PEX14: variants seen among roughly 807,000 people sequenced by gnomAD.
PEX14 encodes the protein peroxisomal biogenesis factor 14.
A neutral mutation model predicts 49.5 loss-of-function variants in PEX14; 15 were observed. The observed-to-expected ratio is 0.30, with a 90% CI of 0.20 to 0.47. PEX14 has a LOEUF of 0.47. PEX14 is among the 20% of genes least tolerant of loss of function. The probability of loss-of-function intolerance (pLI) is 1.00; values close to 1 mark genes in which losing one functional copy is unlikely to be tolerated. For missense variants in PEX14, 398 were observed against 494.8 expected (o/e 0.80, Z 1.86); for synonymous variants, 210 against 212.7 (o/e 0.99, Z 0.11).
intron 4 of PEX14, among the ~76,000 whole-genome samples, chr1:10,616,261 C>G (rs544433647): frequency 6.6e-6 from 1 of 152,086 alleles, no homozygotes; most frequent in Non-Finnish European, 1.5e-5. Flanking sequence ...GCCAGCAGCC[C>G]CTTCCCCCTC....
chr1:10,630,190 C>T lies in PEX14; in HGVS notation c.*203C>T. ...GCCTCCTCTCGCCTGGCCGCCAGCCCCAGCCCCAGCCCCAGCCCCAGGCCC... is the reference window on the plus strand; with the variant it reads ...GCCTCCTCTCGCCTGGCCGCCAGCCTCAGCCCCAGCCCCAGCCCCAGGCCC... On this transcript the variant is annotated 3_prime_UTR_variant, in exon 9 of 9. Coordinates refer to ENST00000356607, the MANE Select transcript of PEX14 (RefSeq NM_004565.3). This position sits in a 1 kb window ranked among gnomAD's most constrained non-coding sequence, Gnocchi z 4.1. 4.3e-6 allele frequency: 3 copies of T among 703,938 alleles called. No individual in the cohort carries two copies. Among genetic ancestry groups the T allele is most frequent in the Non-Finnish European group, 6.9e-6 (3 of 433,638 alleles). 43.6% of individuals were successfully genotyped at this position (703,938 alleles called of 1,614,324 possible).
chr1:10,548,397 T>C (rs1639236652), intron 3 of PEX14, among the ~76,000 whole-genome samples: 3 of 152,236 alleles, frequency 2.0e-5, no homozygotes, highest in African/African-American at 7.2e-5. Context: ...GCAGGGATTT[T>C]TGAAACTTAA....
chr1:10,600,904 C>T (rs1156612731), intron 4 of PEX14, among the ~76,000 whole-genome samples: 10 of 151,748 alleles, frequency 6.6e-5, no homozygotes, highest in African/African-American at 1.9e-4. Flanking sequence ...GAGGCCGAGG[C>T]GGGTGGATCA....
In PEX14 at chr1:10,511,157, A is replaced by G. The variant is rs1029975522; in HGVS notation, c.84+15836A>G. On this transcript the variant is annotated intron_variant, in intron 2 of 8. Coordinates refer to ENST00000356607, the MANE Select transcript of PEX14 (RefSeq NM_004565.3). ...TGGAACCCAGATGACTCACCATTCT[A>G]TTTGTTTTATTGCAACTGTCATTTC... Among the ~76,000 whole-genome samples the G allele has an allele frequency of 3.3e-5, 5 of 152,166 alleles. No homozygotes were observed. In the East Asian group the frequency reaches 5.8e-4, roughly 18 times the overall value.
At chr1:10,516,800 G>T (rs1208186506) in intron 2 of PEX14, among the ~76,000 whole-genome samples, 1 of 152,230 alleles carries the variant, frequency 6.6e-6, no homozygotes, top group Admixed American at 6.5e-5. Context: ...TATTGGTTTA[G>T]AAAGAAAGTA....
At chr1:10,531,652 T>C (rs1638654571) in intron 2 of PEX14, among the ~76,000 whole-genome samples, 1 of 152,192 alleles carries the variant, frequency 6.6e-6, no homozygotes. Context: ...TGGTTGTTAG[T>C]GTCATTAATT....
At chr1:10,482,970 C>T (rs1187220768) in intron 1 of PEX14, among the ~76,000 whole-genome samples, 4 of 152,042 alleles carry the variant, frequency 2.6e-5, no homozygotes, top group Middle Eastern at 3.2e-3. Context: ...CATTTAGATC[C>T]GGGTTAAACA....
chr1:10,477,041 A>G (rs944625074), intron 1 of PEX14, among the ~76,000 whole-genome samples: 4 of 151,070 alleles, frequency 2.6e-5, no homozygotes, highest in Non-Finnish European at 5.9e-5. Flanking sequence ...GCCACAGAAC[A>G]TGCTGGCAGC....
intron 3 of PEX14, among the ~76,000 whole-genome samples, chr1:10,576,978 G>T (rs1321787803): frequency 6.6e-6 from 1 of 151,844 alleles, no homozygotes; most frequent in Admixed American, 6.6e-5. Context: ...CTGACCTCAG[G>T]TGGTCCACCT....
intron 4 of PEX14, among the ~76,000 whole-genome samples, chr1:10,606,418 A>G (rs368981479): frequency 3.9e-5 from 6 of 152,180 alleles, no homozygotes; most frequent in Non-Finnish European, 7.4e-5. Flanking sequence ...TTGCATGGCT[A>G]TCCTTGCCTG....
intron 2 of PEX14, among the ~76,000 whole-genome samples, chr1:10,505,823 GGTGT>G (rs940548917): frequency 1.3e-5 from 2 of 151,968 alleles, no homozygotes; most frequent in Non-Finnish European, 2.9e-5. Flanking sequence ...TGGGATCACA[GGTGT>G]GTGCCACCAT....
intron 3 of PEX14, among the ~76,000 whole-genome samples, chr1:10,558,051 T>G (rs963677186): frequency 5.3e-5 from 8 of 152,230 alleles, no homozygotes; most frequent in Non-Finnish European, 1.2e-4. Flanking sequence ...AGGGACATTC[T>G]ATTCTCATTC....
intron 1 of PEX14, among the ~76,000 whole-genome samples, chr1:10,485,816 C>T (rs534749428): frequency 9.4e-5 from 14 of 148,566 alleles, no homozygotes; most frequent in Admixed American, 2.0e-4. Flanking sequence ...AGTGCAGTGG[C>T]GTGATCTTGG....
chr1:10,570,847 G>GTTTTTTT (rs1557850830), intron 3 of PEX14, among the ~76,000 whole-genome samples: 7 of 63,142 alleles, frequency 1.1e-4, no homozygotes, highest in South Asian at 1.0e-3. Context: ...ATGTCAACAG[G>GTTTTTTT]GTTTTTTTTT....
chr1:10,593,254 G>A (rs910765082), intron 3 of PEX14, among the ~76,000 whole-genome samples: 2 of 152,180 alleles, frequency 1.3e-5, no homozygotes, highest in African/African-American at 4.8e-5. Flanking sequence ...TCTCTGTGTT[G>A]AGCTGAGAAT....
intron 3 of PEX14, among the ~76,000 whole-genome samples, chr1:10,589,902 G>GA (rs1640609365): frequency 6.6e-6 from 1 of 152,142 alleles, no homozygotes. Flanking sequence ...TTTTTAATTT[G>GA]AAAAACTCCA....
intron 3 of PEX14, among the ~76,000 whole-genome samples, chr1:10,583,742 A>G (rs986827418): frequency 2.6e-5 from 4 of 152,136 alleles, no homozygotes; most frequent in African/African-American, 4.8e-5. Flanking sequence ...CCCCTCTAAG[A>G]TAACATTTTG....
intron 1 of PEX14, among the ~76,000 whole-genome samples, chr1:10,480,051 G>A (rs554916868): frequency 6.6e-6 from 1 of 152,162 alleles, no homozygotes; most frequent in South Asian, 2.1e-4. Flanking sequence ...TACCCTTTTA[G>A]TGTTGACTGA....
chr1:10,616,949 A>C (rs1166306036), intron 4 of PEX14: 1 of 151,844 alleles, frequency 6.6e-6, no homozygotes, highest in Non-Finnish European at 1.5e-5. Context: ...GGGGTTCTGC[A>C]CTAAGTTCTG....
Sources: allele counts gnomAD v4.1 joint callset (sites outside exome capture counted in the v4.1 genomes callset), GRCh38; gene constraint gnomAD v4.1.1; non-coding constraint Gnocchi (gnomAD v3.1); transcripts MANE v1.5; gene names NCBI Gene and HGNC (gene_info 2026-07-23, HGNC 2026-07-21).